Variants in ANKRD17 observed in about 807,000 individuals in gnomAD.
ANKRD17 encodes ankyrin repeat domain-containing protein 17.
Under a neutral mutation model 229.7 loss-of-function variants are expected in ANKRD17, and 19 were observed. The ratio of observed to expected loss-of-function variants is 0.08; its 90% confidence interval spans 0.06 to 0.12. The LOEUF (loss-of-function observed/expected upper bound fraction) is 0.12, where lower values mean the gene tolerates loss of function less well. Among genes scored for constraint, ANKRD17 ranks in the 10% least tolerant of loss-of-function variants. The pLI is 1.00. For missense variants in ANKRD17, 2,176 were observed against 3,176.8 expected (o/e 0.68, Z 7.57); for synonymous variants, 1,112 against 1,146.1 (o/e 0.97, Z 0.60).
At chr4:73,120,059 G>C in intron 21 of ANKRD17, 103 bp downstream of exon 21, 1 of 1,277,326 alleles carries the variant, frequency 7.8e-7, no homozygotes, top group Non-Finnish European at 1.1e-6. Flanking sequence ...TATAAAAGAA[G>C]AAATAATCAC....
chr4:73,081,072 C>T (rs1433928932), intron 30 of ANKRD17, among the ~76,000 whole-genome samples: 1 of 152,222 alleles, frequency 6.6e-6, no homozygotes, highest in East Asian at 1.9e-4. Flanking sequence ...GTTTTCTGCT[C>T]CCTCTCTGCA....
At chr4:73,116,184 C>A (rs1021921626) in intron 22 of ANKRD17, among the ~76,000 whole-genome samples, 1 of 146,244 alleles carries the variant, frequency 6.8e-6, no homozygotes, top group African/African-American at 2.6e-5. Context: ...ATCCCAAAAT[C>A]AATACAAAGA....
Position 73,258,339 on chromosome 4 carries a change from G to GCCGCCGCCGCCACCTCCGCCT in ANKRD17, c.309_329dup (p.Gly104_Gly110dup). 6.2e-7 allele frequency: 1 copy of GCCGCCGCCGCCACCTCCGCCT among 1,612,666 alleles called. No individual in the cohort carries two copies. The highest frequency in any genetic ancestry group is 8.5e-7 in the Non-Finnish European group (1 of 1,179,634). On this transcript the variant is annotated inframe_insertion, in exon 1 of 34. Coordinates refer to ENST00000358602, the MANE Select transcript of ANKRD17 (RefSeq NM_032217.5). ...CTTCCTCGCTGTTGTTACTGCTGGT[G>GCCGCCGCCGCCACCTCCGCCT]CCGCCGCCGCCACCTCCGCCTCCAC...
At chr4:73,158,424 C>A (rs1413727896) in intron 3 of ANKRD17, among the ~76,000 whole-genome samples, 1 of 152,198 alleles carries the variant, frequency 6.6e-6, no homozygotes, top group East Asian at 1.9e-4. Flanking sequence ...GCTAAATAAG[C>A]TCCAACCTCC....
Position 73,090,726 on chromosome 4 carries a change from T to C in ANKRD17, c.6902A>G (p.Asp2301Gly). Residue 2301 changes from aspartate to glycine, a missense_variant, in exon 29 of 34, where the codon GAT (aspartate) becomes GGT (glycine). Around this residue, in one of 18 missense-constraint regions of ANKRD17, gnomAD observed 424 missense variants for 454.0 expected, o/e 0.93. Transcript: ENST00000358602. ...LPNSDPLHQS[D>G]TSKAPGFRPP... is the part of the protein sequence containing the mutation. ...TCTAAAACCTGGAGCTTTGGAAGTA[T>C]CAGACTGATGTAAAGGATCTGAATT... The C allele has an allele frequency of 6.2e-7, 1 of 1,614,176 alleles. No individual in the cohort carries two copies. Among genetic ancestry groups the C allele is most frequent in the East Asian group, 2.2e-5 (1 of 44,868 alleles).
At chr4:73,077,649 T>C (rs1238314606) in intron 31 of ANKRD17, 116 bp from the exon 32 acceptor site, 1 of 823,140 alleles carries the variant, frequency 1.2e-6, no homozygotes, top group Non-Finnish European at 1.8e-6. Flanking sequence ...TATAATGACC[T>C]ACTTTTATAT....
At chr4:73,226,336 A>G (rs1342696227) in intron 1 of ANKRD17, among the ~76,000 whole-genome samples, 1 of 148,328 alleles carries the variant, frequency 6.7e-6, no homozygotes, top group African/African-American at 2.5e-5. Flanking sequence ...CCACTACAGT[A>G]TCCTAATACC....
intron 1 of ANKRD17, among the ~76,000 whole-genome samples, chr4:73,189,555 C>A (rs1736770086): frequency 6.6e-6 from 1 of 152,076 alleles, no homozygotes; most frequent in African/African-American, 2.4e-5. Context: ...CACCACCATG[C>A]CTGGCTACCA....
At chr4:73,196,504 A>G (rs1220743509) in intron 1 of ANKRD17, among the ~76,000 whole-genome samples, 1 of 152,240 alleles carries the variant, frequency 6.6e-6, no homozygotes, top group Non-Finnish European at 1.5e-5. Flanking sequence ...TGTACCATAT[A>G]TACACGTATG....
chr4:73,242,630 A>G (rs539954583), intron 1 of ANKRD17, among the ~76,000 whole-genome samples: 1 of 152,218 alleles, frequency 6.6e-6, no homozygotes, highest in Non-Finnish European at 1.5e-5. Context: ...AATGAACAAT[A>G]TCCAAAACTC....
intron 1 of ANKRD17, among the ~76,000 whole-genome samples, chr4:73,209,577 G>A (rs1405089925): frequency 1.3e-5 from 2 of 152,138 alleles, no homozygotes; most frequent in Admixed American, 6.6e-5. Flanking sequence ...CAAACTTTCG[G>A]AAAACAGAAA....
intron 18 of ANKRD17, 29 bp from the exon 19 acceptor site, chr4:73,121,788 T>G: frequency 6.4e-7 from 1 of 1,567,144 alleles, no homozygotes; most frequent in Non-Finnish European, 8.6e-7. Context: ...AAAATATGTT[T>G]TCTTATGGAG....
At chr4:73,154,359 T>C (rs1731366891) in intron 5 of ANKRD17, among the ~76,000 whole-genome samples, 2 of 152,106 alleles carry the variant, frequency 1.3e-5, no homozygotes, top group African/African-American at 4.8e-5. Flanking sequence ...TGGAAAATCA[T>C]ATACACTTAT....
At chr4:73,172,086 A>T (rs537832269) in intron 2 of ANKRD17, among the ~76,000 whole-genome samples, 1 of 152,310 alleles carries the variant, frequency 6.6e-6, no homozygotes, top group African/African-American at 2.4e-5. Context: ...ACAGAACACC[A>T]AGCAGATTTA....
At position 73,256,032 on chromosome 4, in the gene ANKRD17, C is replaced by G. The variant is rs557183907; in HGVS notation, c.393+2244G>C. On this transcript the variant is annotated intron_variant, in intron 1 of 33. Transcript: ENST00000358602. Reference sequence around the variant, plus strand: ...TGAGCTACCACGCCCGGCCAATGGGCACACTTTCTTACACGTATTTCTCCT... The same window carrying G: ...TGAGCTACCACGCCCGGCCAATGGGGACACTTTCTTACACGTATTTCTCCT... 3.9e-5 allele frequency among the ~76,000 whole-genome samples: 6 copies of G among 152,208 alleles called. No homozygotes were observed. In the East Asian group the frequency reaches 1.2e-3, roughly 29 times the overall value.
In ANKRD17 at chr4:73,091,692, G is replaced by C. The variant is rs755183443; in HGVS notation, c.5936C>G (p.Thr1979Arg). 2 of 1,614,040 alleles carry C rather than the reference G, an allele frequency of 1.2e-6. No homozygotes were observed. The highest frequency in any genetic ancestry group is 1.7e-6 in the Non-Finnish European group (2 of 1,180,034). ...GCCATTTGTAGATGTACCAGGCACCGTTGAAGCTGATGAACTGGTTGTAGT... is the reference window on the plus strand; with the variant it reads ...GCCATTTGTAGATGTACCAGGCACCCTTGAAGCTGATGAACTGGTTGTAGT... ...PTTTTSSSAS[T>R]VPGTSTNGSP... The change falls in exon 29 of 34, where the codon ACG becomes AGG. Residue 1979 changes from threonine to arginine, a missense_variant. By Grantham distance (71) the Thr-to-Arg change is moderately conservative. This residue lies in a region of ANKRD17 where 424 missense variants were observed against 454.0 expected (regional missense o/e 0.93). Transcript: ENST00000358602.
At chr4:73,230,993 T>C (rs983097162) in intron 1 of ANKRD17, among the ~76,000 whole-genome samples, 5 of 152,216 alleles carry the variant, frequency 3.3e-5, no homozygotes, top group Admixed American at 6.5e-5. Flanking sequence ...TAAAAACAAG[T>C]GCATACATAA....
At chr4:73,189,344 T>TCA (rs921167427) in intron 1 of ANKRD17, among the ~76,000 whole-genome samples, 7 of 149,128 alleles carry the variant, frequency 4.7e-5, no homozygotes, top group South Asian at 2.1e-4. Flanking sequence ...GTCACAAATC[T>TCA]CACACACACA....
rs1200285901 is a variant in ANKRD17, at chr4:73,171,865, CAG to C, written c.547+5513_547+5514del. 2.0e-5 allele frequency among the ~76,000 whole-genome samples: 3 copies of C among 151,958 alleles called. No individual in the cohort carries two copies. In the East Asian group the frequency reaches 5.8e-4, roughly 29 times the overall value. On this transcript the variant is annotated intron_variant, in intron 2 of 33. Transcript: ENST00000358602. ...TGCAGACAGGCTATTTGAAAATACA[CAG>C]TTGAAGGAGACAAAGAAAAGAATAA...
Sources: allele counts gnomAD v4.1 joint callset (sites outside exome capture counted in the v4.1 genomes callset), GRCh38; gene constraint gnomAD v4.1.1; regional missense constraint gnomAD v4.1.1; transcripts MANE v1.5; gene names NCBI Gene and HGNC (gene_info 2026-07-23, HGNC 2026-07-21).